The following GALNT13 variants were observed in gnomAD, a reference collection of about 807,000 sequenced individuals.
GALNT13 encodes the protein polypeptide N-acetylgalactosaminyltransferase 13.
A neutral mutation model predicts 64.2 loss-of-function variants in GALNT13; 28 were observed. The ratio of observed to expected loss-of-function variants is 0.44; its 90% CI spans 0.32 to 0.60. GALNT13 has a LOEUF of 0.60. GALNT13 is among the 20% of genes least tolerant of loss of function. GALNT13 has a pLI of 0.05. For missense variants in GALNT13, 577 were observed against 669.8 expected (o/e 0.86, Z 1.53); for synonymous variants, 214 against 224.6 (o/e 0.95, Z 0.42).
the GALNT13 span, among the ~76,000 whole-genome samples, chr2:153,139,389 C>G: frequency 6.6e-6 from 1 of 151,896 alleles, no homozygotes; most frequent in Non-Finnish European, 1.5e-5. Flanking sequence ...AAGATGAGGT[C>G]CCTGACTTTA....
intron 8 of GALNT13, among the ~76,000 whole-genome samples, chr2:154,294,436 G>C (rs1043317237): frequency 1.3e-5 from 2 of 152,188 alleles, no homozygotes; most frequent in Non-Finnish European, 2.9e-5. Context: ...TACTTTAAAA[G>C]ATTTCAAACC....
intron 9 of GALNT13, among the ~76,000 whole-genome samples, chr2:154,373,685 C>G (rs1381142818): frequency 6.6e-6 from 1 of 152,126 alleles, no homozygotes; most frequent in Non-Finnish European, 1.5e-5. Context: ...TTACTTACAT[C>G]ATCATTAAGT....
the GALNT13 span, among the ~76,000 whole-genome samples, chr2:153,830,332 TTGAC>T: frequency 1.3e-5 from 2 of 152,134 alleles, no homozygotes; most frequent in Non-Finnish European, 2.9e-5. Flanking sequence ...CCTCAAGACT[TTGAC>T]TGTACATTTG....
the GALNT13 span, among the ~76,000 whole-genome samples, chr2:153,484,869 A>G: frequency 2.6e-5 from 4 of 152,184 alleles, no homozygotes; most frequent in African/African-American, 9.7e-5. Flanking sequence ...TCCTATTGCC[A>G]GTCAATTGAA....
At chr2:153,859,149 T>C in the GALNT13 span, among the ~76,000 whole-genome samples, 1 of 152,224 alleles carries the variant, frequency 6.6e-6, no homozygotes, top group Non-Finnish European at 1.5e-5. Context: ...GAATAATCCA[T>C]GTGAGAAATG....
At chr2:153,133,903 G>C in the GALNT13 span, among the ~76,000 whole-genome samples, 1 of 152,140 alleles carries the variant, frequency 6.6e-6, no homozygotes, top group Non-Finnish European at 1.5e-5. Flanking sequence ...CAGACATGGC[G>C]CTCTGCACAC....
chr2:153,443,515 A>G, the GALNT13 span, among the ~76,000 whole-genome samples: 72 of 152,344 alleles, frequency 4.7e-4, no homozygotes, highest in African/African-American at 1.6e-3. Flanking sequence ...CTAATTTCAT[A>G]AATATGTCAC....
chr2:153,831,329 A>G, the GALNT13 span, among the ~76,000 whole-genome samples: 1 of 152,072 alleles, frequency 6.6e-6, no homozygotes, highest in Non-Finnish European at 1.5e-5. Flanking sequence ...CATTTCCTTT[A>G]ATAGTGTCTC....
chr2:153,894,768 AT>A (rs780190416), intron 1 of GALNT13, among the ~76,000 whole-genome samples: 8 of 152,156 alleles, frequency 5.3e-5, no homozygotes, highest in Non-Finnish European at 1.2e-4. Context: ...AGTTAATGTA[AT>A]TTTCTTCTCT....
the GALNT13 span, among the ~76,000 whole-genome samples, chr2:153,403,754 C>A: frequency 3.3e-5 from 5 of 152,204 alleles, no homozygotes; most frequent in African/African-American, 1.2e-4. Context: ...CCTTGCGCTT[C>A]CCAAGTGAGG....
chr2:153,635,441 C>CACATATATATATGTATATATATAT, the GALNT13 span, among the ~76,000 whole-genome samples: 2 of 129,842 alleles, frequency 1.5e-5, no homozygotes, highest in African/African-American at 5.8e-5. Flanking sequence ...TATATATATA[C>CACATATATATATGTATATATATAT]ACACATATAT....
chr2:153,757,683 A>G, the GALNT13 span, among the ~76,000 whole-genome samples: 2 of 152,166 alleles, frequency 1.3e-5, no homozygotes, highest in African/African-American at 4.8e-5. Flanking sequence ...TATCCTGATA[A>G]GTGTAAGGAC....
chr2:153,468,578 T>C, the GALNT13 span, among the ~76,000 whole-genome samples: 2 of 152,252 alleles, frequency 1.3e-5, no homozygotes, highest in South Asian at 2.1e-4. Flanking sequence ...TTCAGTATTA[T>C]AATTTGGTTC....
At chr2:153,403,302 C>G in the GALNT13 span, among the ~76,000 whole-genome samples, 4 of 151,658 alleles carry the variant, frequency 2.6e-5, no homozygotes, top group Non-Finnish European at 4.4e-5. Context: ...TCTCCAGCTG[C>G]GTGCTGGGAG....
chr2:154,244,726 A>C (rs1402761498), intron 6 of GALNT13, among the ~76,000 whole-genome samples: 3 of 152,208 alleles, frequency 2.0e-5, no homozygotes, highest in African/African-American at 7.2e-5. Flanking sequence ...GAATTAGAGA[A>C]GGCACAACAT....
chr2:154,387,650 C>G (rs768569886), intron 9 of GALNT13, among the ~76,000 whole-genome samples: 2 of 152,136 alleles, frequency 1.3e-5, no homozygotes, highest in Non-Finnish European at 2.9e-5. Context: ...GTATTAGAAT[C>G]TACACATAAG....
the GALNT13 span, among the ~76,000 whole-genome samples, chr2:153,364,583 C>T: frequency 6.7e-3 from 1,023 of 152,180 alleles, 7 homozygotes; most frequent in African/African-American, 0.023. Flanking sequence ...CATTCTTCTA[C>T]GCCAACAATA....
intron 3 of GALNT13, among the ~76,000 whole-genome samples, chr2:154,122,372 G>T (rs918009691): frequency 6.6e-6 from 1 of 151,850 alleles, no homozygotes; most frequent in Non-Finnish European, 1.5e-5. Flanking sequence ...TTCATAAGAG[G>T]TATTGGTCCA....
the GALNT13 span, among the ~76,000 whole-genome samples, chr2:153,736,305 T>C: frequency 6.6e-6 from 1 of 152,178 alleles, no homozygotes; most frequent in Non-Finnish European, 1.5e-5. Flanking sequence ...TATCTCATAT[T>C]TTGGCCAATG....
Sources: allele counts gnomAD v4.1 joint callset (sites outside exome capture counted in the v4.1 genomes callset), GRCh38; gene constraint gnomAD v4.1.1; transcripts MANE v1.5; gene names NCBI Gene and HGNC (gene_info 2026-07-23, HGNC 2026-07-21).